ZNF569: variants seen among roughly 807,000 people sequenced by gnomAD.
The protein encoded by ZNF569 is zinc finger protein 569.
ZNF569 carries 38 observed loss-of-function variants against 56.3 expected under a neutral mutation model. The ratio of observed to expected loss-of-function variants is 0.68; its 90% CI spans 0.52 to 0.88. The LOEUF (loss-of-function observed/expected upper bound fraction) is 0.88, where lower values mean the gene tolerates loss of function less well. Among genes scored for constraint, ZNF569 ranks in the 40% least tolerant of loss-of-function variants. The pLI, the probability that ZNF569 is intolerant of heterozygous loss-of-function variation, is 0.00. For synonymous variants in ZNF569, 241 were observed against 262.9 expected (o/e 0.92, Z 0.81); for missense variants, 666 against 809.2 (o/e 0.82, Z 2.15).
At chr19:37,443,610 G>A (rs2041444763) in intron 3 of ZNF569, among the ~76,000 whole-genome samples, 1 of 152,164 alleles carries the variant, frequency 6.6e-6, no homozygotes, top group Admixed American at 6.5e-5. Flanking sequence ...TGATTACAGT[G>A]TGGCTCAATC....
At chr19:37,469,007 CT>C (rs2041903372), upstream of ZNF569, 1 of 975,950 alleles carries the variant, frequency 1.0e-6, no homozygotes, top group African/African-American at 1.8e-5. Flanking sequence ...ACCTGCGATT[CT>C]CAACTCCCCG....
At chr19:37,428,744 G>C (rs1424187110) in intron 3 of ZNF569, among the ~76,000 whole-genome samples, 2 of 148,542 alleles carry the variant, frequency 1.3e-5, no homozygotes, top group Non-Finnish European at 3.0e-5. Context: ...GCGTGATGTT[G>C]GCTCTCTACA....
At chr19:37,444,866 G>A (rs1384844509) in intron 3 of ZNF569, 41 bp downstream of exon 3, 4 of 1,514,020 alleles carry the variant, frequency 2.6e-6, no homozygotes, top group Non-Finnish European at 3.6e-6. Flanking sequence ...AAATTGCATT[G>A]GAGAGTAAGG....
At chr19:37,441,884 A>G (rs1175231061) in intron 3 of ZNF569, among the ~76,000 whole-genome samples, 2 of 152,228 alleles carry the variant, frequency 1.3e-5, no homozygotes, top group African/African-American at 4.8e-5. Context: ...ATCATCCAGC[A>G]TATACCCAAG....
chr19:37,458,574 T>G (rs1265920490), intron 2 of ZNF569, among the ~76,000 whole-genome samples: 1 of 152,150 alleles, frequency 6.6e-6, no homozygotes, highest in Non-Finnish European at 1.5e-5. Context: ...TACTTCTGTA[T>G]CTCATGAGCT....
chr19:37,430,876 AC>A (rs997137467), intron 3 of ZNF569, among the ~76,000 whole-genome samples: 8 of 152,202 alleles, frequency 5.3e-5, no homozygotes, highest in African/African-American at 1.7e-4. Flanking sequence ...GAATCTGTGC[AC>A]CCGCAGGAGG....
chr19:37,436,282 TG>T (rs2041307863), intron 3 of ZNF569, among the ~76,000 whole-genome samples: 1 of 151,964 alleles, frequency 6.6e-6, no homozygotes, highest in Non-Finnish European at 1.5e-5. Context: ...AAAAGTTTCT[TG>T]AAATAAATGA....
intron 3 of ZNF569, among the ~76,000 whole-genome samples, chr19:37,426,892 T>C (rs74710859): frequency 0.015 from 2,323 of 152,302 alleles, 23 homozygotes; most frequent in Middle Eastern, 0.061. Flanking sequence ...ATTGTTCAAA[T>C]AGTTTACATG....
upstream of ZNF569, chr19:37,467,757 TGGGGTTTCCAGG>T (rs138247326): frequency 6.5e-3 from 5,394 of 829,610 alleles, 159 homozygotes; most frequent in Admixed American, 0.058. Flanking sequence ...GAATTTGGAG[TGGGGTTTCCAGG>T]GCGAGAGACC....
chr19:37,451,638 A>T (rs999317063), intron 2 of ZNF569, among the ~76,000 whole-genome samples: 1 of 152,040 alleles, frequency 6.6e-6, no homozygotes, highest in Admixed American at 6.5e-5. Context: ...ATATATTTAT[A>T]ATCATTCTAT....
intron 5 of ZNF569, among the ~76,000 whole-genome samples, chr19:37,416,136 G>A (rs2040926896): frequency 6.6e-6 from 1 of 151,850 alleles, no homozygotes; most frequent in Non-Finnish European, 1.5e-5. Flanking sequence ...GGGAGGCTGA[G>A]ATGGGAGGAT....
intron 2 of ZNF569, among the ~76,000 whole-genome samples, chr19:37,460,249 A>C (rs1343157993): frequency 6.6e-6 from 1 of 152,088 alleles, no homozygotes; most frequent in East Asian, 1.9e-4. Flanking sequence ...CCTGGGTTCA[A>C]GCAATTCTCC....
intron 5 of ZNF569, among the ~76,000 whole-genome samples, chr19:37,423,636 AAC>A (rs1475264599): frequency 1.3e-5 from 2 of 152,200 alleles, no homozygotes; most frequent in African/African-American, 4.8e-5. Context: ...TTGGGAAAAA[AAC>A]ACAAGAAAAA....
intron 2 of ZNF569, among the ~76,000 whole-genome samples, chr19:37,457,780 T>TAC (rs1344362067): frequency 6.6e-6 from 1 of 152,122 alleles, no homozygotes; most frequent in Non-Finnish European, 1.5e-5. Context: ...GGGACATGTA[T>TAC]ACATATGTAA....
upstream of ZNF569, among the ~76,000 whole-genome samples, chr19:37,468,291 G>A (rs983277399): frequency 6.6e-6 from 1 of 152,104 alleles, no homozygotes; most frequent in African/African-American, 2.4e-5. Context: ...GTCTCGCTAT[G>A]TTGCCCAGGC....
intron 5 of ZNF569, among the ~76,000 whole-genome samples, chr19:37,423,834 A>G (rs1418789147): frequency 6.6e-6 from 1 of 152,214 alleles, no homozygotes; most frequent in African/African-American, 2.4e-5. Context: ...ATAATTAGCT[A>G]CCATTTTTCA....
chr19:37,419,183 T>G (rs952666391), intron 5 of ZNF569, among the ~76,000 whole-genome samples: 2 of 152,250 alleles, frequency 1.3e-5, no homozygotes, highest in Admixed American at 1.3e-4. Context: ...ATTAGGACTG[T>G]GTCAGATGCA....
intron 2 of ZNF569, among the ~76,000 whole-genome samples, chr19:37,459,503 G>A (rs545610039): frequency 6.6e-6 from 1 of 152,202 alleles, no homozygotes; most frequent in South Asian, 2.1e-4. Context: ...GAGAAATGAA[G>A]ACTTTCATTT....
At chr19:37,423,089 G>T (rs1225354587) in intron 5 of ZNF569, among the ~76,000 whole-genome samples, 1 of 152,150 alleles carries the variant, frequency 6.6e-6, no homozygotes, top group East Asian at 1.9e-4. Flanking sequence ...AGATACAGAG[G>T]AAATTTTAAT....
Sources: allele counts gnomAD v4.1 joint callset (sites outside exome capture counted in the v4.1 genomes callset), GRCh38; gene constraint gnomAD v4.1.1; transcripts MANE v1.5; gene names NCBI Gene and HGNC (gene_info 2026-07-23, HGNC 2026-07-21).